Variants in ADAMTS6 observed in about 807,000 individuals in gnomAD.
ADAMTS6 encodes A disintegrin and metalloproteinase with thrombospondin motifs 6.
Under a neutral mutation model 144.3 loss-of-function variants are expected in ADAMTS6, and 23 were observed. The observed-to-expected ratio is 0.16, with a 90% CI of 0.11 to 0.23. ADAMTS6 has a LOEUF of 0.23. ADAMTS6 is among the 10% of genes least tolerant of loss of function. The probability of loss-of-function intolerance (pLI) is 1.00; values close to 1 mark genes in which losing one functional copy is unlikely to be tolerated. For missense variants in ADAMTS6, 999 were observed against 1,379.6 expected (o/e 0.72, Z 4.37); for synonymous variants, 444 against 457.5 (o/e 0.97, Z 0.38).
intron 24 of ADAMTS6, among the ~76,000 whole-genome samples, chr5:65,167,281 A>C (rs1579939191): frequency 6.6e-6 from 1 of 152,308 alleles, no homozygotes; most frequent in Middle Eastern, 3.4e-3. Flanking sequence ...TAGAAAATCT[A>C]GAAGAAATGG....
rs1213410750 is a variant in ADAMTS6, at chr5:65,221,726, A to G, written c.2272+2594T>C. Among the ~76,000 whole-genome samples, 10 of 152,316 alleles carry G rather than the reference A, an allele frequency of 6.6e-5. No individual in the cohort carries two copies. In the South Asian group the frequency reaches 1.0e-3, roughly 16 times the overall value. Reference sequence around the variant, plus strand: ...AGTGCCTTTGTTCGAGGATGACATGATAATCTATAGAGAAAATCCAAATGA... The same window carrying G: ...AGTGCCTTTGTTCGAGGATGACATGGTAATCTATAGAGAAAATCCAAATGA... On this transcript the variant is annotated intron_variant, in intron 18 of 24. Coordinates refer to ENST00000381055, the MANE Select transcript of ADAMTS6 (RefSeq NM_197941.4).
intron 9 of ADAMTS6, 80 bp downstream of exon 9, chr5:65,329,298 A>C: frequency 7.8e-7 from 1 of 1,281,152 alleles, no homozygotes; most frequent in Non-Finnish European, 1.1e-6. Flanking sequence ...AAGGTTCAGC[A>C]CAGCCTTTCC....
At chr5:65,300,215 T>C in intron 9 of ADAMTS6, 84 bp from the exon 10 acceptor site, 1 of 1,346,394 alleles carries the variant, frequency 7.4e-7, no homozygotes, top group Admixed American at 2.0e-5. Flanking sequence ...TGGCCATTTA[T>C]TAGCCTTATC....
At chr5:65,392,310 C>T (rs541855696) in intron 7 of ADAMTS6, among the ~76,000 whole-genome samples, 1 of 151,944 alleles carries the variant, frequency 6.6e-6, no homozygotes, top group South Asian at 2.1e-4. Flanking sequence ...AATCAAATAC[C>T]CTGCTCCTCA....
At position 65,300,045 on chromosome 5, in the gene ADAMTS6, G is replaced by A. The variant is rs1743207680; in HGVS notation, c.1310C>T (p.Ala437Val). Reference sequence around the variant, plus strand: ...AGACCAGGAAAAAGGATTGGTATTCGCAGTAATGTGAGCTGCCATAAGTTT... The same window carrying A: ...AGACCAGGAAAAAGGATTGGTATTCACAGTAATGTGAGCTGCCATAAGTTT... ...AAKLMAAHIT[A>V]NTNPFSWSAC... is the part of the protein sequence containing the mutation. The change falls in exon 10 of 25, where the codon GCG (alanine) becomes GTG (valine). Residue 437 changes from alanine (A) to valine (V), a missense_variant. Physicochemically the swap from Ala to Val is moderately conservative, Grantham distance 64. Coordinates refer to ENST00000381055, the MANE Select transcript of ADAMTS6 (RefSeq NM_197941.4). The A allele has an allele frequency of 2.5e-6, 4 of 1,614,008 alleles. No individual in the cohort carries two copies. Among genetic ancestry groups the A allele is most frequent in the Non-Finnish European group, 8.5e-7 (1 of 1,179,984 alleles).
At chr5:65,253,108 A>G (rs1760323663) in intron 14 of ADAMTS6, among the ~76,000 whole-genome samples, 1 of 151,750 alleles carries the variant, frequency 6.6e-6, no homozygotes, top group Non-Finnish European at 1.5e-5. Context: ...GGCTTGTCTC[A>G]AACTCCCGGG....
intron 11 of ADAMTS6, among the ~76,000 whole-genome samples, chr5:65,278,035 G>A (rs930349512): frequency 1.3e-4 from 16 of 125,232 alleles, no homozygotes; most frequent in African/African-American, 5.0e-4. Flanking sequence ...TGTATGCCTC[G>A]GTATACTCAT....
intron 14 of ADAMTS6, among the ~76,000 whole-genome samples, chr5:65,244,766 A>G (rs779693457): frequency 2.0e-5 from 3 of 152,176 alleles, no homozygotes; most frequent in Admixed American, 6.6e-5. Flanking sequence ...TACTTTCACG[A>G]TAAGTGTGGG....
Position 65,227,654 on chromosome 5 carries a change from G to C in ADAMTS6, c.1934-1435C>G, listed in dbSNP as rs192974298. 4.6e-5 allele frequency among the ~76,000 whole-genome samples: 7 copies of C among 152,324 alleles called. No individual in the cohort carries two copies. The East Asian group carries it at 1.3e-3, about 29-fold the overall frequency. Reference sequence around the variant, plus strand: ...AGCAAAGAAAAAGAAAATCGACTGGGTGGTAGAGTCAATGATAAATTAGAG... The same window carrying C: ...AGCAAAGAAAAAGAAAATCGACTGGCTGGTAGAGTCAATGATAAATTAGAG... On this transcript the variant is annotated intron_variant, in intron 15 of 24. Transcript: ENST00000381055.
intron 24 of ADAMTS6, among the ~76,000 whole-genome samples, chr5:65,166,001 A>T (rs1269458215): frequency 6.6e-6 from 1 of 151,070 alleles, no homozygotes; most frequent in Non-Finnish European, 1.5e-5. Flanking sequence ...AGCTAACATC[A>T]TAATGACAGG....
At chr5:65,321,702 C>CT (rs1745623040) in intron 9 of ADAMTS6, among the ~76,000 whole-genome samples, 1 of 119,968 alleles carries the variant, frequency 8.3e-6, no homozygotes, top group Non-Finnish European at 1.8e-5. Context: ...CCATCTTTTT[C>CT]TTTTCCTTTT....
chr5:65,230,651 A>G (rs1387226924), intron 15 of ADAMTS6, among the ~76,000 whole-genome samples: 1 of 106,380 alleles, frequency 9.4e-6, no homozygotes. Context: ...ACACATATGT[A>G]TGAAATATAT....
At chr5:65,278,581 G>T (rs1394405876) in intron 11 of ADAMTS6, among the ~76,000 whole-genome samples, 1 of 152,144 alleles carries the variant, frequency 6.6e-6, no homozygotes, top group Non-Finnish European at 1.5e-5. Context: ...GATGATTAGT[G>T]ATGTTGAGCA....
rs144036058 is a variant in ADAMTS6, at chr5:65,201,041, G to C, written c.2576-3890C>G. Reference sequence around the variant, plus strand: ...CATCAAAGGTTCTTTTATACAATGGGAAGAAGGCATATTCCACTTGAATCA... The same window carrying C: ...CATCAAAGGTTCTTTTATACAATGGCAAGAAGGCATATTCCACTTGAATCA... On this transcript the variant is annotated intron_variant, in intron 20 of 24. Coordinates refer to ENST00000381055, the MANE Select transcript of ADAMTS6 (RefSeq NM_197941.4). 1.3e-3 allele frequency among the ~76,000 whole-genome samples: 200 copies of C among 152,250 alleles called. 1 individual carries two copies. Among genetic ancestry groups the C allele is most frequent in the African/African-American group, 3.4e-3 (142 of 41,548 alleles).
At chr5:65,290,253 A>T (rs903460067) in intron 11 of ADAMTS6, among the ~76,000 whole-genome samples, 3 of 152,198 alleles carry the variant, frequency 2.0e-5, no homozygotes, top group Non-Finnish European at 4.4e-5. Context: ...GACTATTTGC[A>T]TAGAAATAGA....
intron 7 of ADAMTS6, among the ~76,000 whole-genome samples, chr5:65,412,277 T>C (rs1755113044): frequency 6.6e-6 from 1 of 152,134 alleles, no homozygotes; most frequent in Non-Finnish European, 1.5e-5. Context: ...TAAATTGTAA[T>C]AGTAGAATGA....
At chr5:65,421,453 T>C (rs973354949) in intron 7 of ADAMTS6, among the ~76,000 whole-genome samples, 2 of 152,186 alleles carry the variant, frequency 1.3e-5, no homozygotes, top group Non-Finnish European at 2.9e-5. Context: ...TCTGATAGGT[T>C]TTCCTTTATA....
intron 7 of ADAMTS6, among the ~76,000 whole-genome samples, chr5:65,369,367 G>A (rs1002264081): frequency 6.6e-6 from 1 of 152,078 alleles, no homozygotes; most frequent in Non-Finnish European, 1.5e-5. Flanking sequence ...CATATAATAG[G>A]TTGAACCATA....
chr5:65,161,065 G>T (rs758260905), intron 24 of ADAMTS6, among the ~76,000 whole-genome samples: 5 of 151,210 alleles, frequency 3.3e-5, no homozygotes, highest in Admixed American at 3.3e-4. Flanking sequence ...TTGAGACAGA[G>T]TCTCACTCTG....
Sources: gnomAD v4.1 joint callset for allele counts (sites outside exome capture counted in the v4.1 genomes callset) on GRCh38, gnomAD v4.1.1 for gene constraint, MANE v1.5 for transcripts, NCBI Gene and HGNC (gene_info 2026-07-23, HGNC 2026-07-21) for gene names.